The following ATXN1 variants were observed in gnomAD, a reference collection of about 807,000 sequenced individuals.
ATXN1 encodes the protein ataxin 1.
ATXN1 carries 8 observed loss-of-function variants against 56.4 expected under a neutral mutation model. The observed-to-expected ratio is 0.14, with a 90% CI of 0.08 to 0.26. The LOEUF (loss-of-function observed/expected upper bound fraction) is 0.26, where lower values mean the gene tolerates loss of function less well. ATXN1 is among the 10% of genes least tolerant of loss of function. ATXN1 has a pLI of 1.00. For synonymous variants in ATXN1, 514 were observed against 494.6 expected, an observed-to-expected ratio of 1.04 and a Z score of -0.52; for missense variants, 987 against 1,106.5, an observed-to-expected ratio of 0.89 and a Z score of 1.53.
At position 16,327,321 on chromosome 6, in the gene ATXN1, C is replaced by T. The variant is rs762716926; in HGVS notation, c.990G>A (p.Lys330=). Reference sequence around the variant, plus strand: ...AGGACGGGGCCCCGTACCGCCGGCTCTTCTCCATCTCACCGTTCAGGACCT... The same window carrying T: ...AGGACGGGGCCCCGTACCGCCGGCTTTTCTCCATCTCACCGTTCAGGACCT... The part of the protein sequence containing the change: ...AKEVLNGEME[K]SRRYGAPSSA... Residue 330 remains lysine (K), a synonymous_variant, in exon 7 of 8, where the codon AAG becomes AAA. Transcript: ENST00000436367. 2 of 1,613,260 alleles carry T rather than the reference C, an allele frequency of 1.2e-6. No individual in the cohort carries two copies. The highest frequency in any genetic ancestry group is 1.7e-6 in the Non-Finnish European group (2 of 1,179,980).
At chr6:16,354,316 G>C (rs1761639616) in intron 6 of ATXN1, among the ~76,000 whole-genome samples, 1 of 151,938 alleles carries the variant, frequency 6.6e-6, no homozygotes, top group Admixed American at 6.6e-5. Context: ...GGAGTGCAGT[G>C]GTGCAATCTC....
chr6:16,393,171 A>C (rs1006503580), intron 6 of ATXN1, among the ~76,000 whole-genome samples: 2 of 152,246 alleles, frequency 1.3e-5, no homozygotes, highest in African/African-American at 4.8e-5. Context: ...TGTTTCACCC[A>C]CACAAAATAG....
intron 6 of ATXN1, among the ~76,000 whole-genome samples, chr6:16,336,511 G>A (rs1341775644): frequency 1.3e-5 from 2 of 152,122 alleles, no homozygotes; most frequent in East Asian, 1.9e-4. Flanking sequence ...CAGCAGCCAA[G>A]TTCAAGACCA....
At position 16,395,886 on chromosome 6, in the gene ATXN1, G is replaced by A. The variant is rs944612495; in HGVS notation, c.-160-67416C>T. Among the ~76,000 whole-genome samples, 17 of 152,074 alleles carry A rather than the reference G, an allele frequency of 1.1e-4. No individual in the cohort carries two copies. The South Asian group carries it at 2.7e-3, about 24-fold the overall frequency. ...AAAAATTAGCTGGGCATAGTGGCAC[G>A]TGCCTGTAATCTCAGCTCTTCGGGT... On this transcript the variant is annotated intron_variant, in intron 6 of 7. Coordinates refer to ENST00000436367, the MANE Select transcript of ATXN1 (RefSeq NM_001128164.2).
chr6:16,684,374 C>T (rs1758874583), intron 2 of ATXN1, among the ~76,000 whole-genome samples: 1 of 152,102 alleles, frequency 6.6e-6, no homozygotes, highest in Admixed American at 6.5e-5. Context: ...TTTAGTGGTC[C>T]TGTGAACTGA....
rs772808055 is a variant in ATXN1, at chr6:16,326,703, C to T, written c.1608G>A (p.Glu536=). The change falls in exon 7 of 8, where the codon GAG becomes GAA. Residue 536 remains glutamate, a synonymous_variant. Coordinates refer to ENST00000436367, the MANE Select transcript of ATXN1 (RefSeq NM_001128164.2). The surrounding 1 kb of genome is among the most constrained non-coding windows in gnomAD (Gnocchi z 6.6). ...ALPKSENFNP[E]ALVTQAAYPA... is the part of the protein sequence containing the mutation. ...GGTAGGCGGCCTGGGTGACCAGGGC[C>T]TCAGGGTTGAAGTTCTCGCTCTTGG... is the stretch of plus-strand genomic sequence containing the variant. 8 of 1,613,314 alleles carry T rather than the reference C, an allele frequency of 5.0e-6. No individual in the cohort carries two copies. The South Asian group carries it at 8.8e-5, about 18-fold the overall frequency.
At chr6:16,364,792 C>T (rs1003363765) in intron 6 of ATXN1, among the ~76,000 whole-genome samples, 2 of 124,416 alleles carry the variant, frequency 1.6e-5, no homozygotes, top group Admixed American at 8.9e-5. Context: ...TTCAGGGATC[C>T]ACTCGTTCAG....
chr6:16,421,983 C>A (rs1040709849), intron 6 of ATXN1, among the ~76,000 whole-genome samples: 1 of 152,178 alleles, frequency 6.6e-6, no homozygotes, highest in Non-Finnish European at 1.5e-5. Flanking sequence ...ATATGCCAAT[C>A]CCAGGACCTG....
Position 16,524,421 on chromosome 6 carries a change from T to C in ATXN1, c.-360-1733A>G, listed in dbSNP as rs114410508. Reference sequence around the variant, plus strand: ...ACACTTTATAATCCACTCACACGCATTGACCTTTTCATCCTAACAACAGAC... The same window carrying C: ...ACACTTTATAATCCACTCACACGCACTGACCTTTTCATCCTAACAACAGAC... On this transcript the variant is annotated intron_variant, in intron 4 of 7. Transcript: ENST00000436367. Among the ~76,000 whole-genome samples, 267 of 152,314 alleles carry C rather than the reference T, an allele frequency of 1.8e-3. 1 individual carries two copies. Among genetic ancestry groups the C allele is most frequent in the African/African-American group, 5.9e-3 (247 of 41,562 alleles).
rs142058254 is a variant in ATXN1 at position 16,592,870 on chromosome 6, G to C, written c.-488-6963C>G. Among the ~76,000 whole-genome samples, 428 of 149,628 alleles carry C rather than the reference G, an allele frequency of 2.9e-3. 2 individuals carry two copies. Among genetic ancestry groups the C allele is most frequent in the African/African-American group, 9.9e-3 (402 of 40,660 alleles). The stretch of plus-strand genomic sequence containing the variant: ...GGTTGCACTGGTGGCTGGTGCGGGT[G>C]GGGGTGGGGGGTTGGGGGGGGCAGC... On this transcript the variant is annotated intron_variant, in intron 3 of 7. Coordinates refer to ENST00000436367, the MANE Select transcript of ATXN1 (RefSeq NM_001128164.2).
At chr6:16,347,218 G>A (rs958659583) in intron 6 of ATXN1, among the ~76,000 whole-genome samples, 8 of 152,260 alleles carry the variant, frequency 5.3e-5, no homozygotes, top group Admixed American at 3.9e-4. Flanking sequence ...AAGGACTGAG[G>A]AGTGCGGGCG....
chr6:16,383,654 A>G (rs1311416934), intron 6 of ATXN1, among the ~76,000 whole-genome samples: 1 of 152,214 alleles, frequency 6.6e-6, no homozygotes. Flanking sequence ...TCTACACACC[A>G]GGCACCCAGC....
At chr6:16,493,090 T>A (rs948988509) in intron 5 of ATXN1, among the ~76,000 whole-genome samples, 1 of 152,174 alleles carries the variant, frequency 6.6e-6, no homozygotes, top group Non-Finnish European at 1.5e-5. Flanking sequence ...ATGCTTTCTC[T>A]CTCTAAACCA....
chr6:16,372,461 A>C (rs1369669841), intron 6 of ATXN1, among the ~76,000 whole-genome samples: 2 of 152,222 alleles, frequency 1.3e-5, no homozygotes, highest in Non-Finnish European at 2.9e-5. Flanking sequence ...ATAAGACTGC[A>C]TTACTCCATC....
intron 2 of ATXN1, among the ~76,000 whole-genome samples, chr6:16,667,727 T>G (rs1448320665): frequency 6.6e-6 from 1 of 152,228 alleles, no homozygotes; most frequent in East Asian, 1.9e-4. Flanking sequence ...TTTGAAGTGC[T>G]TTCTAAACGC....
intron 6 of ATXN1, among the ~76,000 whole-genome samples, chr6:16,372,793 A>G (rs763809529): frequency 6.6e-6 from 1 of 152,044 alleles, no homozygotes; most frequent in Non-Finnish European, 1.5e-5. Flanking sequence ...GCACATGTCT[A>G]TAGTCCTTGC....
At chr6:16,368,346 T>C (rs796811438) in intron 6 of ATXN1, among the ~76,000 whole-genome samples, 3 of 110,580 alleles carry the variant, frequency 2.7e-5, no homozygotes, top group South Asian at 2.3e-4. Context: ...TCTTCTTCTT[T>C]TTTTTTTTTT....
chr6:16,747,948 A>G (rs1561836601), intron 2 of ATXN1, among the ~76,000 whole-genome samples: 1 of 152,096 alleles, frequency 6.6e-6, no homozygotes, highest in African/African-American at 2.4e-5. Context: ...CCACACCACC[A>G]CCTATCACAC....
intron 7 of ATXN1, among the ~76,000 whole-genome samples, chr6:16,316,892 T>A (rs973668080): frequency 3.1e-5 from 4 of 129,534 alleles, no homozygotes; most frequent in Admixed American, 8.3e-5. Context: ...TTTTTTTTTT[T>A]AACCAGCCAG....
Sources: gnomAD v4.1 joint callset for allele counts (sites outside exome capture counted in the v4.1 genomes callset) on GRCh38, gnomAD v4.1.1 for gene constraint, Gnocchi (gnomAD v3.1) non-coding constraint, MANE v1.5 for transcripts, NCBI Gene and HGNC (gene_info 2026-07-23, HGNC 2026-07-21) for gene names.